Variants in GRM7 observed in about 807,000 individuals in gnomAD.
The protein encoded by GRM7 is glutamate metabotropic receptor 7.
Under a neutral mutation model 84.5 loss-of-function variants are expected in GRM7, and 35 were observed. That is an observed-to-expected ratio of 0.41 (90% CI 0.32 to 0.55). The LOEUF is 0.55. Ranked by LOEUF, GRM7 falls within the 20% of genes least tolerant of loss-of-function variation. The pLI is 0.19. For missense variants in GRM7, 1,003 were observed against 1,194.6 expected (o/e 0.84, Z 2.36); for synonymous variants, 487 against 455.1 (o/e 1.07, Z -0.89).
chr3:7,284,483 G>T (rs190437808), intron 2 of GRM7, among the ~76,000 whole-genome samples: 3 of 152,116 alleles, frequency 2.0e-5, no homozygotes, highest in Middle Eastern at 3.4e-3. Context: ...AATTTAGATG[G>T]GATGAATTAT....
intron 1 of GRM7, among the ~76,000 whole-genome samples, chr3:6,982,731 G>A (rs567948082): frequency 3.9e-5 from 6 of 152,160 alleles, no homozygotes; most frequent in Admixed American, 6.5e-5. Context: ...CATATAAATG[G>A]AAGCATATAG....
chr3:7,447,004 A>C (rs1248536217), intron 5 of GRM7, among the ~76,000 whole-genome samples: 1 of 152,026 alleles, frequency 6.6e-6, no homozygotes, highest in African/African-American at 2.4e-5. Context: ...CAATTTATTC[A>C]ACAGAAGGTT....
At chr3:7,482,092 GCAGGAGAATGGCGTGAACC>G (rs1699151855) in intron 7 of GRM7, among the ~76,000 whole-genome samples, 1 of 152,206 alleles carries the variant, frequency 6.6e-6, no homozygotes, top group South Asian at 2.1e-4. Flanking sequence ...GGAGGCTGAG[GCAGGAGAATGGCGTGAACC>G]CAGGAGGCGG....
chr3:7,033,554 T>G (rs541589400), intron 1 of GRM7, among the ~76,000 whole-genome samples: 36 of 152,334 alleles, frequency 2.4e-4, no homozygotes, highest in Admixed American at 2.1e-3. Context: ...TCTTGAAACC[T>G]ACTTCCTTCC....
intron 7 of GRM7, among the ~76,000 whole-genome samples, chr3:7,472,016 A>G (rs1201618533): frequency 6.6e-6 from 1 of 152,198 alleles, no homozygotes; most frequent in Non-Finnish European, 1.5e-5. Context: ...GAATGGATTC[A>G]TGCCCTACCT....
intron 9 of GRM7, among the ~76,000 whole-genome samples, chr3:7,687,965 C>T (rs1248495471): frequency 1.3e-5 from 2 of 152,044 alleles, no homozygotes; most frequent in Admixed American, 6.6e-5. Context: ...TTCTTTCTCC[C>T]AGTGAATATG....
chr3:7,719,369 A>T (rs1701865584), intron 9 of GRM7, among the ~76,000 whole-genome samples: 2 of 152,200 alleles, frequency 1.3e-5, no homozygotes, highest in Admixed American at 1.3e-4. Context: ...TTGCAAAAAT[A>T]TAGTCTTCTT....
At chr3:6,934,918 CAAT>C (rs2125049456) in intron 1 of GRM7, among the ~76,000 whole-genome samples, 2 of 152,236 alleles carry the variant, frequency 1.3e-5, no homozygotes, top group Admixed American at 1.3e-4. Flanking sequence ...GTTGCGAAAA[CAAT>C]AATGGGCTAA....
chr3:7,000,008 C>T (rs1694953138), intron 1 of GRM7, among the ~76,000 whole-genome samples: 1 of 151,962 alleles, frequency 6.6e-6, no homozygotes, highest in African/African-American at 2.4e-5. Flanking sequence ...ATAATATGTA[C>T]CTTCAATAAT....
At chr3:7,675,319 C>T (rs1227432720) in intron 8 of GRM7, among the ~76,000 whole-genome samples, 1 of 152,176 alleles carries the variant, frequency 6.6e-6, no homozygotes, top group Non-Finnish European at 1.5e-5. Context: ...CTATTAACAG[C>T]TTTCCTTGAA....
intron 1 of GRM7, chr3:6,884,330 A>G (rs919723794): frequency 6.6e-6 from 1 of 152,566 alleles, no homozygotes; most frequent in African/African-American, 2.4e-5. Flanking sequence ...TGTCATTGGG[A>G]GTATTAAGTA....
At chr3:7,214,866 G>T (rs768139951) in intron 2 of GRM7, among the ~76,000 whole-genome samples, 4 of 152,118 alleles carry the variant, frequency 2.6e-5, no homozygotes, top group African/African-American at 9.7e-5. Flanking sequence ...TCCTAAGAAG[G>T]TTACAGAGTT....
At chr3:7,069,620 A>G (rs1697790985) in intron 1 of GRM7, among the ~76,000 whole-genome samples, 1 of 152,080 alleles carries the variant, frequency 6.6e-6, no homozygotes. Flanking sequence ...ATTTTTAGAG[A>G]AAGTGTTCAT....
chr3:7,378,798 G>T (rs1469329144), intron 4 of GRM7, among the ~76,000 whole-genome samples: 2 of 152,014 alleles, frequency 1.3e-5, no homozygotes, highest in Non-Finnish European at 2.9e-5. Flanking sequence ...TCAGGATTTT[G>T]CCACATTTGA....
At chr3:7,550,565 CTCTCTCTCTCTCTGTGTGTGTGTG>C (rs1559396661) in intron 7 of GRM7, among the ~76,000 whole-genome samples, 4 of 96,534 alleles carry the variant, frequency 4.1e-5, no homozygotes, top group Admixed American at 1.2e-4. Context: ...CTCTCTCTCT[CTCTCTCTCTCTCTGTGTGTGTGTG>C]TGTGTGTGTG....
intron 4 of GRM7, among the ~76,000 whole-genome samples, chr3:7,372,601 C>T (rs950340435): frequency 5.9e-5 from 9 of 152,240 alleles, no homozygotes; most frequent in African/African-American, 2.2e-4. Context: ...TATTTATAGT[C>T]TGTTGCAGGA....
At chr3:7,102,547 C>T (rs1003593050) in intron 1 of GRM7, among the ~76,000 whole-genome samples, 2 of 151,630 alleles carry the variant, frequency 1.3e-5, no homozygotes, top group African/African-American at 4.8e-5. Context: ...CGTATTTATC[C>T]TGCTTAGAGT....
chr3:7,418,049 T>A (rs144221319), intron 5 of GRM7, among the ~76,000 whole-genome samples: 3 of 152,268 alleles, frequency 2.0e-5, no homozygotes, highest in African/African-American at 4.8e-5. Context: ...ATAATTTTAC[T>A]TGGGGCTAGA....
chr3:6,927,502 A>AAAGAAAG (rs1228388476), intron 1 of GRM7, among the ~76,000 whole-genome samples: 1 of 146,232 alleles, frequency 6.8e-6, no homozygotes, highest in Non-Finnish European at 1.5e-5. Context: ...AGAAAGAAAG[A>AAAGAAAG]AAGAAAGAAA....
Sources: gnomAD v4.1 joint callset for allele counts (sites outside exome capture counted in the v4.1 genomes callset) on GRCh38, gnomAD v4.1.1 for gene constraint, MANE v1.5 for transcripts, NCBI Gene and HGNC (gene_info 2026-07-23, HGNC 2026-07-21) for gene names.